NWD2: variants seen among roughly 807,000 people sequenced by gnomAD.
NWD2 encodes NACHT and WD repeat domain containing 2, also known as NACHT and WD repeat domain-containing protein 2.
NWD2 carries 37 observed loss-of-function variants against 132.7 expected under a neutral mutation model. That is an observed-to-expected ratio of 0.28 (90% CI 0.21 to 0.37). The LOEUF is 0.37. NWD2 is among the 10% of genes least tolerant of loss of function. The pLI, the probability that NWD2 is intolerant of heterozygous loss-of-function variation, is 1.00. For synonymous variants in NWD2, 705 were observed against 803.0 expected, an observed-to-expected ratio of 0.88 and a Z score of 2.06; for missense variants, 1,592 against 2,122.4, an observed-to-expected ratio of 0.75 and a Z score of 4.91.
At chr4:37,256,762 A>G (rs960298338) in intron 1 of NWD2, among the ~76,000 whole-genome samples, 2 of 152,200 alleles carry the variant, frequency 1.3e-5, no homozygotes, top group Non-Finnish European at 2.9e-5. Context: ...AAAGATCCAA[A>G]GCTCTCTCTC....
At chr4:37,319,926 GT>G (rs1560393924) in intron 1 of NWD2, among the ~76,000 whole-genome samples, 1 of 152,044 alleles carries the variant, frequency 6.6e-6, no homozygotes, top group African/African-American at 2.4e-5. Context: ...CAAATTTGTT[GT>G]TTTTTGCTTA....
intron 1 of NWD2, among the ~76,000 whole-genome samples, chr4:37,295,307 A>G (rs1718451325): frequency 6.6e-6 from 1 of 152,228 alleles, no homozygotes; most frequent in African/African-American, 2.4e-5. Context: ...TCAGTAAATG[A>G]TCGTGTACTT....
intron 1 of NWD2, among the ~76,000 whole-genome samples, chr4:37,317,019 G>A (rs1470614752): frequency 2.6e-5 from 4 of 152,040 alleles, no homozygotes; most frequent in Non-Finnish European, 4.4e-5. Context: ...TTTCATTTCT[G>A]TTTTTAAGCC....
chr4:37,329,357 A>G (rs1046920891), intron 2 of NWD2, among the ~76,000 whole-genome samples: 4 of 152,184 alleles, frequency 2.6e-5, no homozygotes, highest in Non-Finnish European at 5.9e-5. Flanking sequence ...TATTGAATAA[A>G]TGCTTCGGTT....
At chr4:37,409,376 T>C (rs1384622695) in intron 3 of NWD2, among the ~76,000 whole-genome samples, 1 of 151,368 alleles carries the variant, frequency 6.6e-6, no homozygotes, top group Non-Finnish European at 1.5e-5. Flanking sequence ...CAAGTATCAA[T>C]AGCTGAATCA....
chr4:37,431,659 A>T (rs967346558), intron 4 of NWD2, among the ~76,000 whole-genome samples: 1 of 152,236 alleles, frequency 6.6e-6, no homozygotes, highest in African/African-American at 2.4e-5. Context: ...TATGTGAGGT[A>T]GTGGATTTGT....
rs1443831727 is a variant in NWD2, at chr4:37,284,464, C to T, written c.151+39246C>T. Among the ~76,000 whole-genome samples the T allele has an allele frequency of 2.0e-5, 3 of 152,254 alleles. No homozygotes were observed. In the East Asian group the frequency reaches 5.8e-4, roughly 29 times the overall value. On this transcript the variant is annotated intron_variant, in intron 1 of 6. Transcript: ENST00000309447. Reference sequence around the variant, plus strand: ...CCAGAGTCCAGAATATTCGATGAGCCCCAGGACCCCACAGCCCATCTTGAG... The same window carrying T: ...CCAGAGTCCAGAATATTCGATGAGCTCCAGGACCCCACAGCCCATCTTGAG...
At chr4:37,341,016 G>A (rs1399793006) in intron 2 of NWD2, among the ~76,000 whole-genome samples, 2 of 152,162 alleles carry the variant, frequency 1.3e-5, no homozygotes, top group African/African-American at 4.8e-5. Flanking sequence ...TCACATTGGT[G>A]GAAATTTATA....
At chr4:37,341,490 G>A (rs73240380) in intron 2 of NWD2, among the ~76,000 whole-genome samples, 27,720 of 152,130 alleles carry the variant, frequency 0.18, 2,835 homozygotes, top group African/African-American at 0.27. Context: ...GTGAGTGCAT[G>A]TATGTATAGC....
intron 1 of NWD2, among the ~76,000 whole-genome samples, chr4:37,256,569 C>G (rs1325172897): frequency 2.6e-5 from 4 of 152,068 alleles, no homozygotes; most frequent in African/African-American, 9.7e-5. Flanking sequence ...ACTGAAGGCA[C>G]TGTGTGATAA....
chr4:37,391,902 G>A (rs926004038), intron 3 of NWD2, among the ~76,000 whole-genome samples: 4 of 152,110 alleles, frequency 2.6e-5, no homozygotes, highest in East Asian at 1.9e-4. Context: ...AAGTATGTTC[G>A]TTTAATAAAT....
chr4:37,431,164 A>C (rs1387994989), intron 4 of NWD2, among the ~76,000 whole-genome samples: 1 of 152,206 alleles, frequency 6.6e-6, no homozygotes, highest in Non-Finnish European at 1.5e-5. Context: ...TCCAAAGGCA[A>C]TAAAATCACT....
In NWD2 at chr4:37,443,624, C is replaced by T; in HGVS notation, c.1636C>T (p.Leu546=). 6.4e-7 allele frequency: 1 copy of T among 1,551,964 alleles called. No homozygotes were observed. Among genetic ancestry groups the T allele is most frequent in the Non-Finnish European group, 8.7e-7 (1 of 1,147,052 alleles). ...PRFVRIVLST[L]PNKHGILQKL... ...CTTTGTCCGGATAGTCCTTTCCACG[C>T]TGCCCAACAAACATGGGATCTTGCA... Residue 546 remains leucine, a synonymous_variant, in exon 7 of 7, where the codon CTG becomes TTG. Coordinates refer to ENST00000309447, the MANE Select transcript of NWD2 (RefSeq NM_001144990.2). The surrounding 1 kb of genome is among the most constrained non-coding windows in gnomAD (Gnocchi z 4.1).
chr4:37,250,251 A>G (rs886730956), intron 1 of NWD2, among the ~76,000 whole-genome samples: 1 of 152,194 alleles, frequency 6.6e-6, no homozygotes, highest in Non-Finnish European at 1.5e-5. Context: ...GAGTTGCTAT[A>G]TTATGATAAA....
intron 3 of NWD2, among the ~76,000 whole-genome samples, chr4:37,408,771 C>T (rs936188622): frequency 6.6e-6 from 1 of 152,196 alleles, no homozygotes; most frequent in Non-Finnish European, 1.5e-5. Context: ...ACACCTCCTA[C>T]AGGAGAGCTC....
At chr4:37,318,837 C>G (rs1479708126) in intron 1 of NWD2, among the ~76,000 whole-genome samples, 1 of 152,114 alleles carries the variant, frequency 6.6e-6, no homozygotes, top group Non-Finnish European at 1.5e-5. Flanking sequence ...GCATAGTATT[C>G]CATGGTGTAT....
At chr4:37,259,755 A>G (rs911685662) in intron 1 of NWD2, among the ~76,000 whole-genome samples, 17 of 152,282 alleles carry the variant, frequency 1.1e-4, no homozygotes, top group Admixed American at 7.8e-4. Context: ...AGAGCTCCCA[A>G]CCAGCCGCAA....
At chr4:37,358,367 C>A (rs1445049802) in intron 3 of NWD2, among the ~76,000 whole-genome samples, 1 of 148,834 alleles carries the variant, frequency 6.7e-6, no homozygotes, top group African/African-American at 2.6e-5. Flanking sequence ...GTTGGGGGAA[C>A]GAACACCGAA....
intron 3 of NWD2, among the ~76,000 whole-genome samples, chr4:37,388,477 C>T (rs893847017): frequency 9.2e-5 from 14 of 151,982 alleles, no homozygotes; most frequent in African/African-American, 3.4e-4. Context: ...AGCCACCACG[C>T]CTAGCCGACA....
Sources: allele counts gnomAD v4.1 joint callset (sites outside exome capture counted in the v4.1 genomes callset), GRCh38; gene constraint gnomAD v4.1.1; non-coding constraint Gnocchi (gnomAD v3.1); transcripts MANE v1.5; gene names NCBI Gene and HGNC (gene_info 2026-07-23, HGNC 2026-07-21).